Variants in BDH2 observed in about 807,000 individuals in gnomAD.
BDH2 encodes the protein 3-hydroxybutyrate dehydrogenase 2.
In BDH2, 24 loss-of-function variants were observed where a neutral mutation model predicts 33.2. The observed-to-expected ratio is 0.72, with a 90% CI of 0.52 to 1.02. BDH2 has a LOEUF of 1.02. Ranked by LOEUF, BDH2 falls within the 50% of genes least tolerant of loss-of-function variation. BDH2 has a pLI of 0.00. For missense variants in BDH2, 249 were observed against 301.6 expected, an observed-to-expected ratio of 0.83 and a Z score of 1.29; for synonymous variants, 81 against 101.6, an observed-to-expected ratio of 0.80 and a Z score of 1.22.
chr4:103,095,630 C>G (rs1748367184), intron 2 of BDH2, among the ~76,000 whole-genome samples: 1 of 152,038 alleles, frequency 6.6e-6, no homozygotes, highest in Non-Finnish European at 1.5e-5. Flanking sequence ...TTACTAAACT[C>G]CAAATAATAA....
chr4:103,085,635 T>A, intron 6 of BDH2, 173 bp from the exon 7 acceptor site: 1 of 1,496,836 alleles, frequency 6.7e-7, no homozygotes, highest in Non-Finnish European at 8.9e-7. Flanking sequence ...AGTTTCTGGA[T>A]CTAGGGAAAT....
chr4:103,080,169 T>C (rs1307190113), intron 9 of BDH2, among the ~76,000 whole-genome samples: 1 of 152,206 alleles, frequency 6.6e-6, no homozygotes, highest in Non-Finnish European at 1.5e-5. Context: ...AAAATGGTCA[T>C]ATTAATGACC....
intron 5 of BDH2, among the ~76,000 whole-genome samples, chr4:103,089,258 TATC>T (rs1300867280): frequency 6.6e-6 from 1 of 152,228 alleles, no homozygotes; most frequent in Non-Finnish European, 1.5e-5. Context: ...TTGTGTAACC[TATC>T]ATCCTCATTT....
chr4:103,079,612 G>T lies in BDH2; in HGVS notation c.*90C>A. The stretch of plus-strand genomic sequence containing the variant: ...TATTTTCATTAACATGTGATTAACA[G>T]GAAGGAGATGATTGGTGAGTTTTCT... On this transcript the variant is annotated 3_prime_UTR_variant, in exon 10 of 10. Coordinates refer to ENST00000296424, the MANE Select transcript of BDH2 (RefSeq NM_020139.4). 1.6e-6 allele frequency: 2 copies of T among 1,252,312 alleles called. No individual in the cohort carries two copies. The highest frequency in any genetic ancestry group is 2.3e-6 in the Non-Finnish European group (2 of 857,396). 77.6% of individuals were successfully genotyped at this position (1,252,312 alleles called of 1,614,324 possible).
chr4:103,085,508 A>G (rs753846859), intron 6 of BDH2, 46 bp from the exon 7 acceptor site: 3 of 1,521,372 alleles, frequency 2.0e-6, no homozygotes. Context: ...TAAAAAATGT[A>G]TTTTCCTTCA....
chr4:103,097,596 G>C (rs1748473090), intron 1 of BDH2: 1 of 152,186 alleles, frequency 6.6e-6, no homozygotes, highest in African/African-American at 2.4e-5. Context: ...CAAAAAGAAA[G>C]GGAGGAGCAA....
chr4:103,093,113 G>T (rs981123554), intron 3 of BDH2, among the ~76,000 whole-genome samples: 3 of 151,994 alleles, frequency 2.0e-5, no homozygotes, highest in African/African-American at 4.8e-5. Context: ...CTTCTTTGAG[G>T]TATAATTGAG....
intron 5 of BDH2, among the ~76,000 whole-genome samples, chr4:103,088,029 C>T (rs1194291434): frequency 6.6e-6 from 1 of 152,108 alleles, no homozygotes; most frequent in Non-Finnish European, 1.5e-5. Context: ...CTAAACTAAC[C>T]CCAAGGCACT....
At chr4:103,094,522 T>C (rs2125811263) in intron 3 of BDH2, among the ~76,000 whole-genome samples, 1 of 152,264 alleles carries the variant, frequency 6.6e-6, no homozygotes, top group Admixed American at 6.5e-5. Flanking sequence ...ACAACATATA[T>C]GAAAACATCA....
chr4:103,081,745 T>C (rs538883369), intron 9 of BDH2, among the ~76,000 whole-genome samples: 3 of 152,236 alleles, frequency 2.0e-5, no homozygotes, highest in Non-Finnish European at 4.4e-5. Context: ...CTTATAATCC[T>C]GGAGGTTCAA....
intron 3 of BDH2, among the ~76,000 whole-genome samples, chr4:103,094,444 A>G (rs1192002056): frequency 6.6e-6 from 1 of 152,180 alleles, no homozygotes; most frequent in African/African-American, 2.4e-5. Context: ...ATACACACAG[A>G]GGTAACTAAA....
At chr4:103,089,462 AT>A (rs11311715) in intron 5 of BDH2, among the ~76,000 whole-genome samples, 66,458 of 151,738 alleles carry the variant, frequency 0.44, 15,042 homozygotes, top group African/African-American at 0.57. Flanking sequence ...ATCTCTTGGG[AT>A]TTTTTTTTAA....
intron 9 of BDH2, among the ~76,000 whole-genome samples, chr4:103,081,113 C>T (rs897603058): frequency 6.6e-6 from 1 of 152,134 alleles, no homozygotes; most frequent in Non-Finnish European, 1.5e-5. Context: ...CTGTAGTATT[C>T]AGAGACATAA....
At chr4:103,084,651 T>A (rs1426580136) in intron 7 of BDH2, among the ~76,000 whole-genome samples, 1 of 152,232 alleles carries the variant, frequency 6.6e-6, no homozygotes, top group East Asian at 1.9e-4. Context: ...TGCATTCTTC[T>A]TTTTCTTAGC....
At chr4:103,081,591 C>T (rs781031951) in intron 9 of BDH2, among the ~76,000 whole-genome samples, 5 of 152,304 alleles carry the variant, frequency 3.3e-5, no homozygotes, top group Admixed American at 2.0e-4. Flanking sequence ...CCACCATGCC[C>T]GGCCACAAGT....
chr4:103,085,621 A>T, intron 6 of BDH2, 159 bp from the exon 7 acceptor site: 2 of 1,485,182 alleles, frequency 1.3e-6, no homozygotes, highest in Non-Finnish European at 1.8e-6. Context: ...CCTTCAATAG[A>T]GTCAGTTTCT....
chr4:103,096,389 C>A, intron 1 of BDH2, 115 bp from the exon 2 acceptor site: 1 of 618,786 alleles, frequency 1.6e-6, no homozygotes, highest in Non-Finnish European at 2.8e-6. Context: ...TGAGCTCCTT[C>A]AGGAACTTGA....
intron 5 of BDH2, among the ~76,000 whole-genome samples, chr4:103,089,558 T>G (rs189412120): frequency 2.6e-4 from 40 of 152,372 alleles, no homozygotes; most frequent in Non-Finnish European, 5.4e-4. Flanking sequence ...AGTTAATGTT[T>G]GTATATTTTA....
chr4:103,086,928 T>A (rs1211843223), intron 5 of BDH2, among the ~76,000 whole-genome samples: 1 of 152,214 alleles, frequency 6.6e-6, no homozygotes, highest in Non-Finnish European at 1.5e-5. Context: ...GGCCAGGTAT[T>A]GTGCTAGGTC....
Sources: gnomAD v4.1 joint callset for allele counts (sites outside exome capture counted in the v4.1 genomes callset) on GRCh38, gnomAD v4.1.1 for gene constraint, MANE v1.5 for transcripts, NCBI Gene and HGNC (gene_info 2026-07-23, HGNC 2026-07-21) for gene names.